ROBO1: variants seen among roughly 807,000 people sequenced by gnomAD.
ROBO1 encodes the protein roundabout homolog 1.
ROBO1 carries 149 observed loss-of-function variants against 195.9 expected under a neutral mutation model. The observed-to-expected ratio is 0.76, with a 90% CI of 0.67 to 0.87. The LOEUF is 0.87. Ranked by LOEUF, ROBO1 falls within the 40% of genes least tolerant of loss-of-function variation. The pLI, the probability that ROBO1 is intolerant of heterozygous loss-of-function variation, is 0.00. For synonymous variants in ROBO1, 816 were observed against 733.2 expected (o/e 1.11, Z -1.82); for missense variants, 1,933 against 2,068.3 (o/e 0.93, Z 1.27).
At chr3:79,325,055 G>A (rs1399707711) in intron 2 of ROBO1, among the ~76,000 whole-genome samples, 3 of 152,170 alleles carry the variant, frequency 2.0e-5, no homozygotes, top group Non-Finnish European at 4.4e-5. Flanking sequence ...CTCCGATTAC[G>A]TGGATTATCC....
intron 10 of ROBO1, among the ~76,000 whole-genome samples, chr3:78,678,114 C>A (rs1460176232): frequency 6.6e-6 from 1 of 152,130 alleles, no homozygotes; most frequent in Non-Finnish European, 1.5e-5. Flanking sequence ...TAAAGATGTT[C>A]TTTGAAACCA....
chr3:79,448,672 T>A (rs566106852), intron 2 of ROBO1, among the ~76,000 whole-genome samples: 1 of 152,288 alleles, frequency 6.6e-6, no homozygotes, highest in South Asian at 2.1e-4. Context: ...TTGGTATATG[T>A]AGAGACTTTT....
At chr3:79,147,403 G>A (rs890190444) in intron 2 of ROBO1, among the ~76,000 whole-genome samples, 4 of 151,850 alleles carry the variant, frequency 2.6e-5, no homozygotes, top group Admixed American at 1.3e-4. Context: ...TTTAGTAAAT[G>A]AATCATTTCA....
intron 1 of ROBO1, among the ~76,000 whole-genome samples, chr3:79,735,047 T>A (rs1174979015): frequency 6.6e-6 from 1 of 152,206 alleles, no homozygotes; most frequent in Middle Eastern, 3.2e-3. Context: ...ATGGAATATG[T>A]GAATTACATG....
intron 2 of ROBO1, among the ~76,000 whole-genome samples, chr3:79,354,601 A>G (rs1040723467): frequency 3.9e-5 from 6 of 152,154 alleles, no homozygotes; most frequent in Admixed American, 3.9e-4. Context: ...CGCAATAACA[A>G]TTCAAGCACA....
Position 78,849,698 on chromosome 3 carries a change from G to A in ROBO1, c.499+88903C>T, listed in dbSNP as rs2033914746. ...ATGTAAGAGTAAAGAGATTTGACAG[G>A]AGGTTCAAAGCATGTTCTCGGAGTA... is the stretch of plus-strand genomic sequence containing the variant. On this transcript the variant is annotated intron_variant, in intron 4 of 30. Coordinates refer to ENST00000464233, the MANE Select transcript of ROBO1 (RefSeq NM_002941.4). Among the ~76,000 whole-genome samples, 3 of 152,010 alleles carry A rather than the reference G, an allele frequency of 2.0e-5. No homozygotes were observed. The South Asian group carries it at 6.2e-4, about 32-fold the overall frequency.
rs556941685 is a variant in ROBO1, at chr3:79,665,373, G to A, written c.-50-75412C>T. 1.5e-4 allele frequency among the ~76,000 whole-genome samples: 22 copies of A among 151,494 alleles called. No individual in the cohort carries two copies. In the South Asian group the frequency reaches 3.7e-3, roughly 26 times the overall value. On this transcript the variant is annotated intron_variant, in intron 1 of 30. Coordinates refer to ENST00000464233, the MANE Select transcript of ROBO1 (RefSeq NM_002941.4). ...TATTTTCATTTGTATAAGTCTCCTTGTTTTATTCTCACAATATCTGTATGT... is the reference window on the plus strand; with the variant it reads ...TATTTTCATTTGTATAAGTCTCCTTATTTTATTCTCACAATATCTGTATGT...
At chr3:79,617,127 G>A (rs192861442) in intron 1 of ROBO1, among the ~76,000 whole-genome samples, 41 of 152,194 alleles carry the variant, frequency 2.7e-4, no homozygotes, top group African/African-American at 9.9e-4. Context: ...AGGAACTAGT[G>A]TATCCCTCTC....
chr3:78,896,732 T>C (rs974010524), intron 4 of ROBO1, among the ~76,000 whole-genome samples: 2 of 152,004 alleles, frequency 1.3e-5, no homozygotes, highest in Non-Finnish European at 2.9e-5. Flanking sequence ...GTCTAAATTT[T>C]AAAATATTGA....
chr3:78,801,848 T>C (rs1460504255), intron 4 of ROBO1, among the ~76,000 whole-genome samples: 1 of 152,164 alleles, frequency 6.6e-6, no homozygotes, highest in South Asian at 2.1e-4. Context: ...ACAAATGTGA[T>C]ATATAAGGCA....
At chr3:79,454,533 G>C (rs181601626) in intron 2 of ROBO1, among the ~76,000 whole-genome samples, 1 of 152,024 alleles carries the variant, frequency 6.6e-6, no homozygotes, top group Non-Finnish European at 1.5e-5. Flanking sequence ...CAAATTTCTA[G>C]TGATGCATTT....
intron 2 of ROBO1, among the ~76,000 whole-genome samples, chr3:79,539,755 A>AT (rs1355130787): frequency 6.6e-6 from 1 of 152,068 alleles, no homozygotes; most frequent in Non-Finnish European, 1.5e-5. Context: ...AGAGTGGACA[A>AT]TTTTTCATGC....
chr3:79,563,771 A>G (rs930749853), intron 2 of ROBO1, among the ~76,000 whole-genome samples: 1 of 152,092 alleles, frequency 6.6e-6, no homozygotes, highest in Non-Finnish European at 1.5e-5. Flanking sequence ...TGAAAGTGAA[A>G]GATGTGAGGT....
chr3:79,401,117 T>G (rs922681111), intron 2 of ROBO1, among the ~76,000 whole-genome samples: 5 of 151,808 alleles, frequency 3.3e-5, no homozygotes, highest in Non-Finnish European at 5.9e-5. Flanking sequence ...AGTTGGCCAT[T>G]TGGAAATTAT....
intron 5 of ROBO1, among the ~76,000 whole-genome samples, chr3:78,732,958 T>C (rs1245920591): frequency 6.6e-6 from 1 of 152,168 alleles, no homozygotes; most frequent in East Asian, 1.9e-4. Context: ...ATTTTGTTAA[T>C]GCACAACAGA....
intron 1 of ROBO1, among the ~76,000 whole-genome samples, chr3:79,609,940 C>T (rs1039793241): frequency 6.6e-6 from 1 of 151,742 alleles, no homozygotes; most frequent in Non-Finnish European, 1.5e-5. Flanking sequence ...GATGGTTGAA[C>T]CACAACCTGA....
At chr3:79,440,716 G>T (rs966842880) in intron 2 of ROBO1, among the ~76,000 whole-genome samples, 2 of 152,062 alleles carry the variant, frequency 1.3e-5, no homozygotes, top group South Asian at 4.1e-4. Flanking sequence ...ACAAAAGAGA[G>T]GCACATTTGT....
intron 4 of ROBO1, among the ~76,000 whole-genome samples, chr3:78,934,320 G>A (rs1274654544): frequency 6.6e-6 from 1 of 151,868 alleles, no homozygotes; most frequent in East Asian, 1.9e-4. Context: ...GTACAAAAGA[G>A]TAAAATGGTG....
intron 1 of ROBO1, among the ~76,000 whole-genome samples, chr3:79,648,760 G>C (rs1463433930): frequency 6.6e-6 from 1 of 151,950 alleles, no homozygotes; most frequent in Non-Finnish European, 1.5e-5. Context: ...AAAAAGCATG[G>C]TAGTAAAACT....
Sources: gnomAD v4.1 joint callset for allele counts (sites outside exome capture counted in the v4.1 genomes callset) on GRCh38, gnomAD v4.1.1 for gene constraint, MANE v1.5 for transcripts, NCBI Gene and HGNC (gene_info 2026-07-23, HGNC 2026-07-21) for gene names.